The following KATNBL1 variants were observed in gnomAD, a reference collection of about 807,000 sequenced individuals.
The protein encoded by KATNBL1 is KATNB1-like protein 1.
A neutral mutation model predicts 44.7 loss-of-function variants in KATNBL1; 28 were observed. That is an observed-to-expected ratio of 0.63 (90% CI 0.46 to 0.86). The LOEUF (loss-of-function observed/expected upper bound fraction) is 0.86, where lower values mean the gene tolerates loss of function less well. KATNBL1 is among the 40% of genes least tolerant of loss of function. The probability of loss-of-function intolerance (pLI) is 0.00; values close to 1 mark genes in which losing one functional copy is unlikely to be tolerated. For missense variants in KATNBL1, 272 were observed against 350.7 expected, an observed-to-expected ratio of 0.78 and a Z score of 1.79; for synonymous variants, 78 against 114.9, an observed-to-expected ratio of 0.68 and a Z score of 2.06.
chr15:34,148,822 G>T, intron 4 of KATNBL1, 72 bp from the exon 5 acceptor site: 1 of 857,566 alleles, frequency 1.2e-6, no homozygotes. Context: ...TTATTAAATC[G>T]TTCTGGTAGA....
At chr15:34,203,318 CTTTCCA>C (rs1192075203) in intron 1 of KATNBL1, among the ~76,000 whole-genome samples, 1 of 152,160 alleles carries the variant, frequency 6.6e-6, no homozygotes, top group East Asian at 1.9e-4. Flanking sequence ...CTGTCCGTTT[CTTTCCA>C]TTTCCATTAC....
chr15:34,182,487 C>T (rs1889596847), intron 1 of KATNBL1, among the ~76,000 whole-genome samples: 2 of 151,998 alleles, frequency 1.3e-5, no homozygotes, highest in South Asian at 4.1e-4. Context: ...ATTTATCATC[C>T]AAACTAGGAC....
At chr15:34,196,081 T>TA (rs1195409931) in intron 1 of KATNBL1, among the ~76,000 whole-genome samples, 1 of 152,086 alleles carries the variant, frequency 6.6e-6, no homozygotes, top group Non-Finnish European at 1.5e-5. Context: ...AAAGATTCAT[T>TA]AAAAAAAGAT....
chr15:34,153,207 T>G (rs1471966187), intron 3 of KATNBL1, 138 bp from the exon 4 acceptor site: 10 of 549,346 alleles, frequency 1.8e-5, no homozygotes, highest in Non-Finnish European at 3.0e-6. Flanking sequence ...TTAAAAATCT[T>G]AATTCTGAGT....
intron 1 of KATNBL1, among the ~76,000 whole-genome samples, chr15:34,175,699 T>C (rs1382594426): frequency 6.6e-6 from 1 of 152,230 alleles, no homozygotes; most frequent in Admixed American, 6.5e-5. Flanking sequence ...GAGAAAGATG[T>C]GGAAGAACTG....
Position 34,142,102 on chromosome 15 carries a change from A to T in KATNBL1, c.*237T>A, listed in dbSNP as rs1888166755. ...AATGCAGCAAAGGTGAACAATCTTC[A>T]TAGTGCACTTTCACCTCAATGAAAT... On this transcript the variant is annotated 3_prime_UTR_variant, in exon 10 of 10. Coordinates refer to ENST00000256544, the MANE Select transcript of KATNBL1 (RefSeq NM_024713.3). 1 of 365,156 alleles carries T rather than the reference A, an allele frequency of 2.7e-6. No homozygotes were observed. Among genetic ancestry groups the T allele is most frequent in the Non-Finnish European group, 5.0e-6 (1 of 199,094 alleles). 22.6% of individuals were successfully genotyped at this position (365,156 alleles called of 1,614,324 possible). A position where few individuals can be genotyped will look rare whatever the true frequency, so the allele number is the denominator to read the frequency against.
chr15:34,204,423 C>A (rs1426678513), intron 1 of KATNBL1, among the ~76,000 whole-genome samples: 1 of 152,076 alleles, frequency 6.6e-6, no homozygotes, highest in Non-Finnish European at 1.5e-5. Flanking sequence ...ACGGCTGGTT[C>A]CAGGACCACC....
At chr15:34,193,410 T>C (rs1320742575) in intron 1 of KATNBL1, among the ~76,000 whole-genome samples, 1 of 151,564 alleles carries the variant, frequency 6.6e-6, no homozygotes, top group Non-Finnish European at 1.5e-5. Context: ...GGCATACGTC[T>C]GTAATCTCAG....
At chr15:34,197,312 G>A (rs1024921083) in intron 1 of KATNBL1, among the ~76,000 whole-genome samples, 1 of 152,198 alleles carries the variant, frequency 6.6e-6, no homozygotes, top group East Asian at 1.9e-4. Context: ...CAGACTACCT[G>A]GGTTTAAGTC....
intron 4 of KATNBL1, 99 bp downstream of exon 4, chr15:34,152,691 G>T: frequency 1.0e-6 from 1 of 953,998 alleles, no homozygotes; most frequent in Non-Finnish European, 1.6e-6. Flanking sequence ...ACATTCAATA[G>T]GTGACAAATT....
At chr15:34,205,373 G>A (rs1890268132) in intron 1 of KATNBL1, among the ~76,000 whole-genome samples, 2 of 152,244 alleles carry the variant, frequency 1.3e-5, no homozygotes, top group South Asian at 2.1e-4. Context: ...ATTCATTTTT[G>A]CTACAACAGT....
chr15:34,146,495 GAATT>G, intron 8 of KATNBL1: 1 of 333,324 alleles, frequency 3.0e-6, no homozygotes. Flanking sequence ...ATGAATATGA[GAATT>G]AAACCACTAT....
intron 5 of KATNBL1, 45 bp downstream of exon 5, chr15:34,148,587 C>A (rs781563883): frequency 1.7e-6 from 2 of 1,142,884 alleles, no homozygotes; most frequent in South Asian, 2.5e-5. Flanking sequence ...GAACTTGTCT[C>A]AGAAAAAAAG....
intron 1 of KATNBL1, among the ~76,000 whole-genome samples, chr15:34,200,968 C>T (rs1388350457): frequency 6.6e-6 from 1 of 152,166 alleles, no homozygotes; most frequent in Non-Finnish European, 1.5e-5. Context: ...AGGTGCACAC[C>T]ACCACACCTG....
chr15:34,153,575 A>AT (rs902893247), intron 3 of KATNBL1, among the ~76,000 whole-genome samples: 227 of 146,986 alleles, frequency 1.5e-3, no homozygotes, highest in Middle Eastern at 3.5e-3. Context: ...TGACTCAAAA[A>AT]TTTTTTTTTT....
chr15:34,184,120 G>A (rs571819536), intron 1 of KATNBL1, among the ~76,000 whole-genome samples: 23 of 152,266 alleles, frequency 1.5e-4, no homozygotes, highest in Admixed American at 8.5e-4. Flanking sequence ...TGGCTAACCC[G>A]GTGAAACCCC....
At chr15:34,196,161 T>C (rs1163951825) in intron 1 of KATNBL1, among the ~76,000 whole-genome samples, 2 of 152,218 alleles carry the variant, frequency 1.3e-5, no homozygotes, top group Non-Finnish European at 2.9e-5. Context: ...CTCACACCTG[T>C]AATCCCAGCA....
intron 1 of KATNBL1, among the ~76,000 whole-genome samples, chr15:34,207,407 A>G (rs1722450856): frequency 6.6e-6 from 1 of 152,026 alleles, no homozygotes; most frequent in Non-Finnish European, 1.5e-5. Context: ...ACAGGGTTTC[A>G]TCGTGTTAGC....
At chr15:34,177,333 G>A (rs928254839) in intron 1 of KATNBL1, among the ~76,000 whole-genome samples, 5 of 152,164 alleles carry the variant, frequency 3.3e-5, no homozygotes, top group South Asian at 4.1e-4. Flanking sequence ...TACTACAATG[G>A]CTGCCAAATC....
Sources: gnomAD v4.1 joint callset for allele counts (sites outside exome capture counted in the v4.1 genomes callset) on GRCh38, gnomAD v4.1.1 for gene constraint, MANE v1.5 for transcripts, NCBI Gene and HGNC (gene_info 2026-07-23, HGNC 2026-07-21) for gene names.